The following XRCC6 variants were observed in gnomAD, a reference collection of about 807,000 sequenced individuals.
XRCC6 encodes the protein DNA repair protein Ku70.
A neutral mutation model predicts 65.7 loss-of-function variants in XRCC6; 5 were observed. The ratio of observed to expected loss-of-function variants is 0.08; its 90% CI spans 0.04 to 0.16. XRCC6 has a LOEUF of 0.16. XRCC6 is among the 10% of genes least tolerant of loss of function. XRCC6 has a pLI of 1.00. For missense variants in XRCC6, 447 were observed against 738.1 expected, an observed-to-expected ratio of 0.61 and a Z score of 4.57; for synonymous variants, 270 against 270.6, an observed-to-expected ratio of 1.00 and a Z score of 0.02.
intron 2 of XRCC6, among the ~76,000 whole-genome samples, chr22:41,626,737 A>G (rs1022730163): frequency 6.7e-6 from 1 of 149,394 alleles, no homozygotes; most frequent in African/African-American, 2.5e-5. Flanking sequence ...TCCCGGGTTC[A>G]TGCCATTCCC....
chr22:41,643,177 C>T (rs1445945718), intron 6 of XRCC6, among the ~76,000 whole-genome samples: 1 of 151,936 alleles, frequency 6.6e-6, no homozygotes, highest in Admixed American at 6.6e-5. Context: ...TTTGGGAGGC[C>T]AAGGGGGCGG....
intron 6 of XRCC6, among the ~76,000 whole-genome samples, chr22:41,639,329 CTTT>C (rs386395480): frequency 5.4e-4 from 35 of 64,584 alleles, no homozygotes; most frequent in African/African-American, 1.7e-3. Context: ...GATTCTTTTT[CTTT>C]TTTTTTTTTT....
intron 3 of XRCC6, among the ~76,000 whole-genome samples, chr22:41,630,695 A>G (rs187442197): frequency 2.0e-5 from 3 of 152,112 alleles, no homozygotes; most frequent in Non-Finnish European, 4.4e-5. Flanking sequence ...GGGAGTGGTG[A>G]TGACTCTTAA....
At chr22:41,631,884 C>T (rs530185033) in intron 3 of XRCC6, among the ~76,000 whole-genome samples, 11 of 152,110 alleles carry the variant, frequency 7.2e-5, no homozygotes, top group Admixed American at 5.9e-4. Flanking sequence ...CCGGCACCTC[C>T]GGAGGCCGAG....
At chr22:41,627,124 AGT>A (rs1264803920) in intron 2 of XRCC6, among the ~76,000 whole-genome samples, 1 of 152,226 alleles carries the variant, frequency 6.6e-6, no homozygotes, top group African/African-American at 2.4e-5. Flanking sequence ...AATGTGGAAA[AGT>A]GTATAACACA....
chr22:41,621,970 C>A lies in XRCC6; in HGVS notation c.-15-20C>A, dbSNP rs1464224742. On this transcript the variant is annotated intron_variant, in intron 1 of 12. Coordinates refer to ENST00000360079, the MANE Select transcript of XRCC6 (RefSeq NM_001469.5). ...TCGATTTAAATTTGCCTGTTACTGA[C>A]GTTAACGTCTTTCGCCTAGTGAGCA... The A allele has an allele frequency of 6.2e-7, 1 of 1,611,356 alleles. No individual in the cohort carries two copies. Among genetic ancestry groups the A allele is most frequent in the Non-Finnish European group, 8.5e-7 (1 of 1,177,510 alleles).
At chr22:41,649,133 A>AT (rs2067965501) in intron 7 of XRCC6, among the ~76,000 whole-genome samples, 1 of 96,504 alleles carries the variant, frequency 1.0e-5, no homozygotes, top group South Asian at 3.9e-4. Flanking sequence ...GTACAAAAAA[A>AT]AAAAAAATAT....
At chr22:41,647,734 G>GT (rs1569092032) in intron 7 of XRCC6, among the ~76,000 whole-genome samples, 1 of 151,842 alleles carries the variant, frequency 6.6e-6, no homozygotes, top group Non-Finnish European at 1.5e-5. Flanking sequence ...TTTTTGTTTC[G>GT]TTTTGTTTTG....
At chr22:41,636,413 C>A in intron 4 of XRCC6, 103 bp from the exon 5 acceptor site, 1 of 1,515,514 alleles carries the variant, frequency 6.6e-7, no homozygotes, top group Non-Finnish European at 8.9e-7. Flanking sequence ...ATGGGTTAAA[C>A]AGCTCTGGGG....
chr22:41,638,449 G>A (rs1180712527), intron 6 of XRCC6, among the ~76,000 whole-genome samples: 4 of 152,082 alleles, frequency 2.6e-5, no homozygotes, highest in African/African-American at 7.2e-5. Context: ...GTAAGTATTT[G>A]TGTATCTAAA....
rs1376197191 is a variant in XRCC6 at position 41,649,160 on chromosome 22, A to ATATATATG, written c.961-1560_961-1559insATATGTAT. ...AAAAAATATATATATATATATATAT[A>ATATATATG]TATGTATGTATGTGTGTGTGTATAT... On this transcript the variant is annotated intron_variant, in intron 7 of 12. Transcript: ENST00000360079. Among the ~76,000 whole-genome samples, 945 of 125,666 alleles carry ATATATATG rather than the reference A, an allele frequency of 7.5e-3. 20 individuals carry two copies. The highest frequency in any genetic ancestry group is 0.033 in the African/African-American group (894 of 27,312). The allele number at this position is 125,666 out of a possible 152,430, so 82.4% of individuals were successfully genotyped here. A position where few individuals can be genotyped will look rare whatever the true frequency, so the allele number is the denominator to read the frequency against.
chr22:41,641,665 T>A (rs2067879148), intron 6 of XRCC6, among the ~76,000 whole-genome samples: 1 of 152,206 alleles, frequency 6.6e-6, no homozygotes, highest in Non-Finnish European at 1.5e-5. Context: ...GTTCAATTGC[T>A]TTACTTTTTA....
chr22:41,656,620 A>G (rs934599885), intron 9 of XRCC6, among the ~76,000 whole-genome samples: 6 of 152,192 alleles, frequency 3.9e-5, no homozygotes, highest in Non-Finnish European at 8.8e-5. Flanking sequence ...GTGCTGTCCG[A>G]GGTTTCAGGT....
chr22:41,645,082 C>T (rs1308122709), intron 6 of XRCC6, among the ~76,000 whole-genome samples: 7 of 151,662 alleles, frequency 4.6e-5, no homozygotes, highest in African/African-American at 1.5e-4. Context: ...GGGCGGATCA[C>T]CTGAGGTCAG....
At chr22:41,639,457 C>T (rs980335568) in intron 6 of XRCC6, among the ~76,000 whole-genome samples, 1 of 144,502 alleles carries the variant, frequency 6.9e-6, no homozygotes, top group South Asian at 2.2e-4. Flanking sequence ...TATCAGTGTT[C>T]TGAGTAACTG....
chr22:41,622,233 G>C, intron 2 of XRCC6, 147 bp downstream of exon 2: 2 of 888,288 alleles, frequency 2.3e-6, no homozygotes, highest in Non-Finnish European at 3.4e-6. Context: ...GAACTTCGCA[G>C]AGCTACCCTA....
At chr22:41,628,404 AC>A in intron 3 of XRCC6, 174 bp downstream of exon 3, 1 of 503,130 alleles carries the variant, frequency 2.0e-6, no homozygotes, top group South Asian at 2.3e-5. Flanking sequence ...CAAAAAATAC[AC>A]AAATCATCCA....
intron 11 of XRCC6, among the ~76,000 whole-genome samples, chr22:41,659,581 C>T (rs534080438): frequency 9.2e-5 from 14 of 152,202 alleles, no homozygotes; most frequent in Middle Eastern, 3.4e-3. Flanking sequence ...CTCAAGTGAT[C>T]CACCTGTCTC....
At chr22:41,658,769 A>G (rs1026012004) in intron 11 of XRCC6, among the ~76,000 whole-genome samples, 11 of 152,132 alleles carry the variant, frequency 7.2e-5, no homozygotes, top group African/African-American at 2.7e-4. Flanking sequence ...GTCTCTACTA[A>G]AAATACAAAA....
Sources: allele counts gnomAD v4.1 joint callset (sites outside exome capture counted in the v4.1 genomes callset), GRCh38; gene constraint gnomAD v4.1.1; transcripts MANE v1.5; gene names NCBI Gene and HGNC (gene_info 2026-07-23, HGNC 2026-07-21).